Variants in MCTP1 observed in about 807,000 individuals in gnomAD.
The protein encoded by MCTP1 is multiple C2 and transmembrane domain-containing protein 1.
MCTP1 carries 69 observed loss-of-function variants against 120.6 expected under a neutral mutation model. The ratio of observed to expected loss-of-function variants is 0.57; its 90% CI spans 0.47 to 0.70. MCTP1 has a LOEUF of 0.70. Ranked by LOEUF, MCTP1 falls within the 30% of genes least tolerant of loss-of-function variation. MCTP1 has a pLI of 0.00. For missense variants in MCTP1, 1,203 were observed against 1,248.8 expected (o/e 0.96, Z 0.55); for synonymous variants, 529 against 493.1 (o/e 1.07, Z -0.96).
Position 95,081,364 on chromosome 5 carries a change from C to G in MCTP1, c.721-63880G>C. ...ATTTTTCTAAGGAACAATCATATAC[C>G]TAAACTGCCACATTAATTTAAGGCT... is the stretch of plus-strand genomic sequence containing the variant. On this transcript the variant is annotated intron_variant, in intron 1 of 22. Coordinates refer to ENST00000515393, the MANE Select transcript of MCTP1 (RefSeq NM_024717.7). 3 of 1,469,786 alleles carry G rather than the reference C, an allele frequency of 2.0e-6. No individual in the cohort carries two copies. The South Asian group carries it at 3.6e-5, about 18-fold the overall frequency. 91.0% of individuals were successfully genotyped at this position (1,469,786 alleles called of 1,614,324 possible). A position where few individuals can be genotyped will look rare whatever the true frequency, so the allele number is the denominator to read the frequency against.
At chr5:95,044,765 C>T (rs1842896746) in intron 1 of MCTP1, among the ~76,000 whole-genome samples, 1 of 152,026 alleles carries the variant, frequency 6.6e-6, no homozygotes, top group African/African-American at 2.4e-5. Context: ...CCTTCAACTA[C>T]ACTTGCAAAA....
chr5:94,713,777 T>C (rs1404891172), intron 20 of MCTP1, among the ~76,000 whole-genome samples: 1 of 152,072 alleles, frequency 6.6e-6, no homozygotes, highest in African/African-American at 2.4e-5. Context: ...CATGTGGAAA[T>C]ATACAAAATA....
chr5:95,081,362 A>G (rs979656744), intron 1 of MCTP1: 61 of 1,441,784 alleles, frequency 4.2e-5, no homozygotes, highest in Non-Finnish European at 5.9e-5. Flanking sequence ...ACAATCATAT[A>G]CCTAAACTGC....
Position 94,782,003 on chromosome 5 carries a change from C to T in MCTP1, c.2557-2840G>A, listed in dbSNP as rs187358875. ...ATTTATAATATAGATGGTTTCCTAT[C>T]GATGCCTTTAAGCTGCTTCCGAACA... is the stretch of plus-strand genomic sequence containing the variant. On this transcript the variant is annotated intron_variant, in intron 18 of 22. Coordinates refer to ENST00000515393, the MANE Select transcript of MCTP1 (RefSeq NM_024717.7). 3.7e-4 allele frequency among the ~76,000 whole-genome samples: 56 copies of T among 152,124 alleles called. 1 individual carries two copies. Among genetic ancestry groups the T allele is most frequent in the African/African-American group, 1.1e-3 (47 of 41,506 alleles).
chr5:95,274,845 G>A (rs976407618), intron 1 of MCTP1, among the ~76,000 whole-genome samples: 1 of 151,884 alleles, frequency 6.6e-6, no homozygotes, highest in Non-Finnish European at 1.5e-5. Context: ...GGATGGTCTC[G>A]ATCTCCTGAC....
intron 1 of MCTP1, among the ~76,000 whole-genome samples, chr5:95,100,449 T>C (rs1756642458): frequency 6.6e-6 from 1 of 152,182 alleles, no homozygotes; most frequent in African/African-American, 2.4e-5. Flanking sequence ...CCTCTTCTTA[T>C]AGCTGCATTA....
At chr5:95,235,884 C>T (rs1242627004) in intron 1 of MCTP1, among the ~76,000 whole-genome samples, 1 of 152,156 alleles carries the variant, frequency 6.6e-6, no homozygotes, top group African/African-American at 2.4e-5. Flanking sequence ...CCCTGAGCTA[C>T]TTCTGACTAC....
chr5:95,055,886 A>G (rs1373374685), intron 1 of MCTP1, among the ~76,000 whole-genome samples: 1 of 152,226 alleles, frequency 6.6e-6, no homozygotes, highest in East Asian at 1.9e-4. Flanking sequence ...ATAAGCAATG[A>G]ATAAACATTA....
intron 1 of MCTP1, among the ~76,000 whole-genome samples, chr5:95,094,116 A>C (rs1756049660): frequency 6.6e-6 from 1 of 152,194 alleles, no homozygotes; most frequent in Admixed American, 6.5e-5. Context: ...GTGAAGATTG[A>C]GGTACAAAAT....
intron 17 of MCTP1, among the ~76,000 whole-genome samples, chr5:94,852,677 A>T (rs192492359): frequency 1.3e-3 from 200 of 152,070 alleles, no homozygotes; most frequent in African/African-American, 4.6e-3. Flanking sequence ...TATTTTTCTT[A>T]GCTTGCAGAC....
chr5:94,958,438 T>C (rs1823245590), intron 2 of MCTP1, among the ~76,000 whole-genome samples: 1 of 151,334 alleles, frequency 6.6e-6, no homozygotes, highest in African/African-American at 2.4e-5. Context: ...CTGAAGGAGA[T>C]AGAGACATGA....
intron 1 of MCTP1, among the ~76,000 whole-genome samples, chr5:95,072,581 T>C (rs1292378934): frequency 6.6e-6 from 1 of 152,082 alleles, no homozygotes; most frequent in Non-Finnish European, 1.5e-5. Context: ...TCTAGACCTA[T>C]GGTTACTAGC....
At chr5:95,081,541 C>A (rs995932702) in intron 1 of MCTP1, 1 of 1,560,722 alleles carries the variant, frequency 6.4e-7, no homozygotes, top group African/African-American at 1.4e-5. Flanking sequence ...CATATTTAGA[C>A]TTGCTTTCTT....
intron 1 of MCTP1, among the ~76,000 whole-genome samples, chr5:95,117,442 A>G (rs1370136153): frequency 6.6e-6 from 1 of 151,470 alleles, no homozygotes; most frequent in East Asian, 1.9e-4. Flanking sequence ...CATTAAAGAA[A>G]TGCAAATCAA....
intron 1 of MCTP1, among the ~76,000 whole-genome samples, chr5:95,154,068 C>T (rs1301833139): frequency 7.9e-5 from 12 of 152,190 alleles, no homozygotes; most frequent in Non-Finnish European, 1.5e-5. Flanking sequence ...ATTTTATCTA[C>T]TTACAATCTG....
At chr5:94,898,931 G>C (rs1160780299) in intron 10 of MCTP1, among the ~76,000 whole-genome samples, 2 of 152,112 alleles carry the variant, frequency 1.3e-5, no homozygotes, top group African/African-American at 4.8e-5. Flanking sequence ...TGTTGTAACT[G>C]TATGTTTACA....
chr5:95,033,777 A>G (rs1290991899), intron 1 of MCTP1, among the ~76,000 whole-genome samples: 1 of 152,068 alleles, frequency 6.6e-6, no homozygotes, highest in Admixed American at 6.6e-5. Context: ...AGGAAGCCAA[A>G]TTATCTCTAT....
chr5:94,851,181 G>A (rs1793627595), intron 17 of MCTP1, among the ~76,000 whole-genome samples: 1 of 152,014 alleles, frequency 6.6e-6, no homozygotes, highest in Non-Finnish European at 1.5e-5. Flanking sequence ...GTTTAAAAAT[G>A]CAGATCTTTA....
chr5:94,965,798 C>A (rs1333003005), intron 2 of MCTP1, among the ~76,000 whole-genome samples: 2 of 152,098 alleles, frequency 1.3e-5, no homozygotes, highest in African/African-American at 4.8e-5. Context: ...GACTCTATCA[C>A]GAATAGAATA....
Sources: gnomAD v4.1 joint callset for allele counts (sites outside exome capture counted in the v4.1 genomes callset) on GRCh38, gnomAD v4.1.1 for gene constraint, MANE v1.5 for transcripts, NCBI Gene and HGNC (gene_info 2026-07-23, HGNC 2026-07-21) for gene names.